Variants in CHST15 observed in about 807,000 individuals in gnomAD.
CHST15 encodes the protein B cell RAG associated protein (GALNAC4S-6ST).
In CHST15, 30 loss-of-function variants were observed where a neutral mutation model predicts 53.6. That is an observed-to-expected ratio of 0.56 (90% confidence interval 0.42 to 0.76). The LOEUF is 0.76. Ranked by LOEUF, CHST15 falls within the 30% of genes least tolerant of loss-of-function variation. The pLI, the probability that CHST15 is intolerant of heterozygous loss-of-function variation, is 0.00. For missense variants in CHST15, 627 were observed against 740.5 expected, an observed-to-expected ratio of 0.85 and a Z score of 1.78; for synonymous variants, 296 against 289.8, an observed-to-expected ratio of 1.02 and a Z score of -0.22.
chr10:124,030,799 G>A (rs1021481382), intron 5 of CHST15, among the ~76,000 whole-genome samples: 1 of 152,190 alleles, frequency 6.6e-6, no homozygotes, highest in Non-Finnish European at 1.5e-5. Flanking sequence ...AGGGGCTTCC[G>A]GTGCTGCCTG....
intron 5 of CHST15, among the ~76,000 whole-genome samples, chr10:124,034,735 G>GACCCCGGCTCCACCCCCTAACAGGA (rs1947373971): frequency 1.4e-5 from 2 of 138,572 alleles, no homozygotes; most frequent in African/African-American, 2.8e-5. Context: ...CCCTAACAGG[G>GACCCCGGCTCCACCCCCTAACAGGA]ACCCCGGCTC....
At chr10:124,087,304 C>T (rs891611559) in intron 1 of CHST15, among the ~76,000 whole-genome samples, 1 of 152,108 alleles carries the variant, frequency 6.6e-6, no homozygotes, top group Non-Finnish European at 1.5e-5. Flanking sequence ...GGGATGGGAT[C>T]GCCACTTCTC....
chr10:124,008,203 G>A lies in CHST15; in HGVS notation c.*1946C>T. On this transcript the variant is annotated 3_prime_UTR_variant, in exon 8 of 8. Coordinates refer to ENST00000435907, the MANE Select transcript of CHST15 (RefSeq NM_001270764.2). ...CCCTTGTTGTAATTATGGTTGGTGT[G>A]GAATAGTAAAATATGTACTGAAAAT... is the stretch of plus-strand genomic sequence containing the variant. 8.1e-7 allele frequency: 1 copy of A among 1,227,422 alleles called. No individual in the cohort carries two copies. The highest frequency in any genetic ancestry group is 1.0e-6 in the Non-Finnish European group (1 of 985,540). The allele number at this position is 1,227,422 out of a possible 1,614,324, so 76.0% of individuals were successfully genotyped here.
At chr10:124,086,526 C>T (rs1031862504) in intron 1 of CHST15, among the ~76,000 whole-genome samples, 4 of 152,222 alleles carry the variant, frequency 2.6e-5, no homozygotes, top group South Asian at 2.1e-4. Flanking sequence ...CCTCCAGCTC[C>T]GCAGGCAATG....
At chr10:124,026,051 A>G (rs1946992938) in intron 5 of CHST15, among the ~76,000 whole-genome samples, 2 of 152,292 alleles carry the variant, frequency 1.3e-5, no homozygotes, top group Non-Finnish European at 2.9e-5. Flanking sequence ...TTAAACCCCA[A>G]TTCTAAGGAA....
At chr10:124,068,903 T>C (rs998633959) in intron 1 of CHST15, among the ~76,000 whole-genome samples, 2 of 152,220 alleles carry the variant, frequency 1.3e-5, no homozygotes, top group Middle Eastern at 3.2e-3. Context: ...CATTTTTACT[T>C]TAGAATGTTC....
At chr10:124,042,476 G>C in intron 3 of CHST15, 29 bp from the exon 4 acceptor site, 1 of 1,609,238 alleles carries the variant, frequency 6.2e-7, no homozygotes, top group Non-Finnish European at 8.5e-7. Context: ...AGGAGATACT[G>C]AGGACAAAGT....
intron 1 of CHST15, among the ~76,000 whole-genome samples, chr10:124,088,283 C>T (rs1215166479): frequency 3.3e-5 from 5 of 152,348 alleles, no homozygotes; most frequent in East Asian, 1.9e-4. Flanking sequence ...TGCCTGTCAA[C>T]GGCGTTACAT....
chr10:124,036,420 G>A lies in CHST15; in HGVS notation c.1190+2095C>T, dbSNP rs1337735262. 6.6e-5 allele frequency among the ~76,000 whole-genome samples: 10 copies of A among 152,196 alleles called. No homozygotes were observed. On this transcript the variant is annotated intron_variant, in intron 5 of 7. Transcript: ENST00000435907. The surrounding 1 kb of genome is among the most constrained non-coding windows in gnomAD (Gnocchi z 5.1). Reference sequence around the variant, plus strand: ...GGGAGCGAAACCACACCTGGCACCTGCTAGAAGGCATGGCACCGGGACAGC... The same window carrying A: ...GGGAGCGAAACCACACCTGGCACCTACTAGAAGGCATGGCACCGGGACAGC...
intron 1 of CHST15, among the ~76,000 whole-genome samples, chr10:124,053,980 T>C (rs1948293213): frequency 6.6e-6 from 1 of 152,026 alleles, no homozygotes; most frequent in African/African-American, 2.4e-5. Flanking sequence ...CAAGACACAA[T>C]GGCTGAAACA....
chr10:124,092,347 T>G (rs2134282660), intron 1 of CHST15: 1 of 152,028 alleles, frequency 6.6e-6, no homozygotes, highest in African/African-American at 2.4e-5. Flanking sequence ...GCTGCCTCGC[T>G]CGGCTCGCCG....
intron 2 of CHST15, 24 bp downstream of exon 2, chr10:124,045,643 C>A (rs1947968876): frequency 6.5e-7 from 1 of 1,536,852 alleles, no homozygotes; most frequent in Non-Finnish European, 8.7e-7. Context: ...ACCAATCAGT[C>A]AAGATTAGCA....
intron 1 of CHST15, among the ~76,000 whole-genome samples, chr10:124,061,101 A>C (rs1253202536): frequency 6.6e-6 from 1 of 152,174 alleles, no homozygotes; most frequent in African/African-American, 2.4e-5. Context: ...ACTGTAAGTA[A>C]ATGGCAGAAC....
intron 5 of CHST15, among the ~76,000 whole-genome samples, chr10:124,025,696 G>A (rs1946975740): frequency 2.0e-5 from 3 of 152,206 alleles, no homozygotes; most frequent in South Asian, 2.1e-4. Context: ...GTCATTAAGT[G>A]TAGGATCTTA....
chr10:124,022,718 T>C (rs767676319), intron 5 of CHST15, among the ~76,000 whole-genome samples: 2 of 151,822 alleles, frequency 1.3e-5, no homozygotes, highest in Non-Finnish European at 2.9e-5. Context: ...TCCCATCGGG[T>C]TGGTTTAGCC....
chr10:124,041,151 A>C (rs999689476), intron 4 of CHST15, among the ~76,000 whole-genome samples: 7 of 152,372 alleles, frequency 4.6e-5, no homozygotes, highest in Non-Finnish European at 1.0e-4. Flanking sequence ...GAGTTAAGTC[A>C]GGACTTAGGC....
At chr10:124,080,566 T>C (rs901259440) in intron 1 of CHST15, among the ~76,000 whole-genome samples, 2 of 152,190 alleles carry the variant, frequency 1.3e-5, no homozygotes, top group African/African-American at 4.8e-5. Flanking sequence ...TAGAACAGCA[T>C]GGGGTACACA....
In CHST15 at chr10:124,038,098, T is replaced by TA. The variant is rs1273769926; in HGVS notation, c.1190+416_1190+417insT. On this transcript the variant is annotated intron_variant, in intron 5 of 7. Coordinates refer to ENST00000435907, the MANE Select transcript of CHST15 (RefSeq NM_001270764.2). Reference sequence around the variant, plus strand: ...TGCAAGTTCCGTTTATTTTTGTTTGTTTTTATTTTATTTTATTTTTTTTTT... The same window carrying TA: ...TGCAAGTTCCGTTTATTTTTGTTTGTATTTTATTTTATTTTATTTTTTTTTT... Among the ~76,000 whole-genome samples, 3 of 147,382 alleles carry TA rather than the reference T, an allele frequency of 2.0e-5. No homozygotes were observed. The Admixed American group carries it at 2.1e-4, about 10-fold the overall frequency.
At chr10:124,081,223 T>C (rs1438869051) in intron 1 of CHST15, among the ~76,000 whole-genome samples, 1 of 152,252 alleles carries the variant, frequency 6.6e-6, no homozygotes, top group Non-Finnish European at 1.5e-5. Context: ...GTGCTAATTA[T>C]CTGTCCCTTA....
Sources: gnomAD v4.1 joint callset for allele counts (sites outside exome capture counted in the v4.1 genomes callset) on GRCh38, gnomAD v4.1.1 for gene constraint, Gnocchi (gnomAD v3.1) non-coding constraint, MANE v1.5 for transcripts, NCBI Gene and HGNC (gene_info 2026-07-23, HGNC 2026-07-21) for gene names.